Variants in TLK1 observed in about 807,000 individuals in gnomAD.
TLK1 encodes the protein serine/threonine-protein kinase tousled-like 1.
A neutral mutation model predicts 105.3 loss-of-function variants in TLK1; 24 were observed. The observed-to-expected ratio is 0.23, with a 90% CI of 0.17 to 0.32. TLK1 has a LOEUF of 0.32. TLK1 is among the 10% of genes least tolerant of loss of function. The probability of loss-of-function intolerance (pLI) is 1.00; values close to 1 mark genes in which losing one functional copy is unlikely to be tolerated. For synonymous variants in TLK1, 321 were observed against 310.4 expected (o/e 1.03, Z -0.36); for missense variants, 558 against 910.5 (o/e 0.61, Z 4.98).
intron 12 of TLK1, among the ~76,000 whole-genome samples, chr2:171,026,815 A>G (rs1978592): frequency 0.58 from 88,451 of 151,874 alleles, 27,985 homozygotes; most frequent in East Asian, 0.95. Context: ...TTCTATCACT[A>G]TTATAGAACT....
intron 1 of TLK1, among the ~76,000 whole-genome samples, chr2:171,144,490 AG>A: frequency 6.6e-6 from 1 of 152,370 alleles, no homozygotes; most frequent in South Asian, 2.1e-4. Flanking sequence ...TGATCACAAT[AG>A]AATTAAATTA....
intron 2 of TLK1, among the ~76,000 whole-genome samples, chr2:171,099,465 A>G (rs911919544): frequency 6.6e-6 from 1 of 152,196 alleles, no homozygotes; most frequent in African/African-American, 2.4e-5. Flanking sequence ...CAAAATTCCT[A>G]ACAAAATCCC....
At chr2:171,151,091 G>A (rs943755080) in intron 1 of TLK1, among the ~76,000 whole-genome samples, 1 of 151,438 alleles carries the variant, frequency 6.6e-6, no homozygotes, top group Non-Finnish European at 1.5e-5. Context: ...GCGTAATCAC[G>A]GCTCACTGCA....
intron 12 of TLK1, among the ~76,000 whole-genome samples, chr2:171,025,730 A>C (rs1685741874): frequency 6.6e-6 from 1 of 152,192 alleles, no homozygotes; most frequent in South Asian, 2.1e-4. Context: ...TTTTTTAGAA[A>C]ACAGAATGAC....
Position 171,160,679 on chromosome 2 carries a change from G to A in TLK1, c.-251C>T, listed in dbSNP as rs1164103089. On this transcript the variant is annotated 5_prime_UTR_variant, in exon 1 of 21. Coordinates refer to ENST00000431350, the MANE Select transcript of TLK1 (RefSeq NM_012290.5). The surrounding 1 kb of genome is among the most constrained non-coding windows in gnomAD (Gnocchi z 4.4). Reference sequence around the variant, plus strand: ...GAGGGAGCGAGCGGGCGCGCCAGAGGAGAGGAGGAGGAAAGGAGCGCGGCG... The same window carrying A: ...GAGGGAGCGAGCGGGCGCGCCAGAGAAGAGGAGGAGGAAAGGAGCGCGGCG... The A allele has an allele frequency of 3.6e-6, 2 of 560,480 alleles. No homozygotes were observed. Among genetic ancestry groups the A allele is most frequent in the East Asian group, 3.5e-5 (1 of 28,728 alleles). The allele number at this position is 560,480 out of a possible 1,614,324, so 34.7% of individuals were successfully genotyped here. A position where few individuals can be genotyped will look rare whatever the true frequency, so the allele number is the denominator to read the frequency against.
At chr2:171,172,722 C>T (rs182813135) in intron 1 of TLK1, among the ~76,000 whole-genome samples, 17 of 152,272 alleles carry the variant, frequency 1.1e-4, no homozygotes, top group African/African-American at 3.4e-4. Flanking sequence ...ACTTCCCCTT[C>T]GCCTTCCACC....
intron 1 of TLK1, among the ~76,000 whole-genome samples, chr2:171,125,603 T>C (rs1690837342): frequency 6.6e-6 from 1 of 152,242 alleles, no homozygotes; most frequent in Non-Finnish European, 1.5e-5. Flanking sequence ...GAATGCCATA[T>C]ACAGTTTCTG....
intron 1 of TLK1, among the ~76,000 whole-genome samples, chr2:171,226,246 T>C (rs1440905821): frequency 6.6e-6 from 1 of 152,220 alleles, no homozygotes; most frequent in Non-Finnish European, 1.5e-5. Flanking sequence ...CATAAAGCAC[T>C]GGTGTAGGTA....
At chr2:171,005,431 C>A (rs535067629) in intron 18 of TLK1, among the ~76,000 whole-genome samples, 1 of 152,304 alleles carries the variant, frequency 6.6e-6, no homozygotes, top group Admixed American at 6.5e-5. Flanking sequence ...CCATTCACAG[C>A]CAACAAAACA....
chr2:171,206,406 A>C (rs1457939865), intron 1 of TLK1, among the ~76,000 whole-genome samples: 1 of 152,178 alleles, frequency 6.6e-6, no homozygotes, highest in African/African-American at 2.4e-5. Flanking sequence ...TTTAGGATGG[A>C]TGAGAGAGGA....
chr2:171,108,545 G>C (rs1690031788), intron 2 of TLK1, among the ~76,000 whole-genome samples: 1 of 151,924 alleles, frequency 6.6e-6, no homozygotes, highest in Non-Finnish European at 1.5e-5. Flanking sequence ...CACCATTTAA[G>C]AGAGTCGAAT....
chr2:171,055,202 GCA>G (rs1491397497), intron 6 of TLK1, 30 bp from the exon 7 acceptor site: 27 of 420,122 alleles, frequency 6.4e-5, no homozygotes, highest in South Asian at 1.8e-4. Flanking sequence ...TTTTATATTA[GCA>G]AAAAAAAAAA....
intron 13 of TLK1, 128 bp downstream of exon 13, chr2:171,014,723 T>C: frequency 1.5e-6 from 1 of 685,704 alleles, no homozygotes; most frequent in African/African-American, 1.8e-5. Context: ...TTCCAAGCCA[T>C]GGGAAGGACT....
At position 171,067,151 on chromosome 2, in the gene TLK1, T is replaced by C. The variant is rs563824823; in HGVS notation, c.331-5995A>G. On this transcript the variant is annotated intron_variant, in intron 3 of 20. Coordinates refer to ENST00000431350, the MANE Select transcript of TLK1 (RefSeq NM_012290.5). ...TGTAAATGCTGTATCACAGAATATG[T>C]GCACTTAGGTTTTTTTTTTTTTTTC... is the stretch of plus-strand genomic sequence containing the variant. Among the ~76,000 whole-genome samples, 63 of 140,766 alleles carry C rather than the reference T, an allele frequency of 4.5e-4. No homozygotes were observed. In the Middle Eastern group the frequency reaches 0.011, roughly 25 times the overall value. The allele number at this position is 140,766 out of a possible 152,430, so 92.3% of individuals were successfully genotyped here. A position where few individuals can be genotyped will look rare whatever the true frequency, so the allele number is the denominator to read the frequency against.
chr2:171,126,915 T>C (rs550324348), intron 1 of TLK1, among the ~76,000 whole-genome samples: 33 of 151,968 alleles, frequency 2.2e-4, no homozygotes, highest in Non-Finnish European at 4.3e-4. Flanking sequence ...AGATAAAATA[T>C]TCCACTTAAA....
intron 2 of TLK1, among the ~76,000 whole-genome samples, chr2:171,116,584 C>A (rs1479659841): frequency 6.6e-6 from 1 of 151,878 alleles, no homozygotes; most frequent in Non-Finnish European, 1.5e-5. Context: ...CCTGTAATCC[C>A]AGCTACTTGG....
In TLK1 at chr2:171,193,434, T is replaced by C. The variant is rs563163301; in HGVS notation, c.-6+37711A>G. On this transcript the variant is annotated intron_variant, in intron 1 of 20. Coordinates refer to the TLK1 transcript ENST00000521943. ...TTTTTTGAGATGGAGTCCCGTTCTG[T>C]AGCCCAGGCTGGAGTCCAGTGGCGC... 7.3e-5 allele frequency among the ~76,000 whole-genome samples: 11 copies of C among 151,678 alleles called. No individual in the cohort carries two copies. The South Asian group carries it at 2.3e-3, about 32-fold the overall frequency.
chr2:171,100,078 T>C (rs1262638572), intron 2 of TLK1, among the ~76,000 whole-genome samples: 1 of 152,126 alleles, frequency 6.6e-6, no homozygotes, highest in Non-Finnish European at 1.5e-5. Context: ...ATAACCCAAT[T>C]TTAAAATGGG....
intron 11 of TLK1, among the ~76,000 whole-genome samples, chr2:171,034,720 G>A (rs2105403333): frequency 6.6e-6 from 1 of 152,198 alleles, no homozygotes; most frequent in South Asian, 2.1e-4. Context: ...TCTTTAAATG[G>A]TTATTCGTAT....
Sources: gnomAD v4.1 joint callset for allele counts (sites outside exome capture counted in the v4.1 genomes callset) on GRCh38, gnomAD v4.1.1 for gene constraint, Gnocchi (gnomAD v3.1) non-coding constraint, MANE v1.5 for transcripts, NCBI Gene and HGNC (gene_info 2026-07-23, HGNC 2026-07-21) for gene names.